Variants in RORC observed in about 807,000 individuals in gnomAD.
RORC encodes RAR related orphan receptor C.
A neutral mutation model predicts 64.5 loss-of-function variants in RORC; 13 were observed. The ratio of observed to expected loss-of-function variants is 0.20; its 90% confidence interval spans 0.13 to 0.32. RORC has a LOEUF of 0.32. Ranked by LOEUF, RORC falls within the 10% of genes least tolerant of loss-of-function variation. The pLI, the probability that RORC is intolerant of heterozygous loss-of-function variation, is 1.00. For synonymous variants in RORC, 277 were observed against 259.3 expected, an observed-to-expected ratio of 1.07 and a Z score of -0.65; for missense variants, 468 against 669.5, an observed-to-expected ratio of 0.70 and a Z score of 3.32.
intron 8 of RORC, 24 bp from the exon 9 acceptor site, chr1:151,813,081 G>A: frequency 6.4e-7 from 1 of 1,573,756 alleles, no homozygotes; most frequent in Non-Finnish European, 8.7e-7. Flanking sequence ...AATGAGAAAA[G>A]TGAGAGAGTG....
At chr1:151,824,808 C>G (rs1553292121) in intron 2 of RORC, among the ~76,000 whole-genome samples, 2 of 152,180 alleles carry the variant, frequency 1.3e-5, no homozygotes, top group Non-Finnish European at 2.9e-5. Flanking sequence ...GATGGTAGAC[C>G]AGGGCCCAGT....
At chr1:151,816,093 GC>G (rs201406986) in intron 4 of RORC, among the ~76,000 whole-genome samples, 1 of 152,168 alleles carries the variant, frequency 6.6e-6, no homozygotes, top group Non-Finnish European at 1.5e-5. Context: ...ATCACCTCAT[GC>G]CCCCCCAGCT....
At chr1:151,817,575 C>T (rs181426583) in intron 2 of RORC, among the ~76,000 whole-genome samples, 17 of 152,240 alleles carry the variant, frequency 1.1e-4, no homozygotes, top group African/African-American at 3.8e-4. Context: ...ACCTGCTCAG[C>T]CCTTCGAGTT....
chr1:151,813,651 C>T (rs533351935), intron 6 of RORC, 31 bp from the exon 7 acceptor site: 18 of 1,611,932 alleles, frequency 1.1e-5, no homozygotes, highest in Middle Eastern at 3.3e-4. Context: ...CCCGCTGTAG[C>T]GCTCTGTGTG....
intron 4 of RORC, among the ~76,000 whole-genome samples, chr1:151,815,902 G>C (rs1021259537): frequency 6.6e-6 from 1 of 152,150 alleles, no homozygotes; most frequent in Non-Finnish European, 1.5e-5. Flanking sequence ...CGGGCTCCGC[G>C]GCTTGTTTCT....
At chr1:151,809,629 A>G (rs1227909864) in intron 10 of RORC, among the ~76,000 whole-genome samples, 1 of 152,170 alleles carries the variant, frequency 6.6e-6, no homozygotes, top group Non-Finnish European at 1.5e-5. Flanking sequence ...AAGGTGATGT[A>G]TTTTGAAAGC....
intron 2 of RORC, among the ~76,000 whole-genome samples, chr1:151,825,221 T>C (rs1267386271): frequency 3.3e-5 from 5 of 151,952 alleles, no homozygotes. Flanking sequence ...GCTTCCCCGG[T>C]CAAATGGGTG....
At chr1:151,822,357 C>T (rs974795138) in intron 2 of RORC, among the ~76,000 whole-genome samples, 2 of 152,342 alleles carry the variant, frequency 1.3e-5, no homozygotes, top group East Asian at 1.9e-4. Context: ...ACACTACCCC[C>T]AGCCCAGGCC....
intron 6 of RORC, chr1:151,813,952 G>A (rs994906486): frequency 3.9e-6 from 1 of 257,936 alleles, no homozygotes; most frequent in Non-Finnish European, 7.5e-6. Context: ...TATGCCCAAG[G>A]TCTCAATAAC....
At chr1:151,814,051 C>G (rs957308566) in intron 6 of RORC, 2 of 177,728 alleles carry the variant, frequency 1.1e-5, no homozygotes, top group African/African-American at 4.7e-5. Context: ...AACTTTGGAG[C>G]CTGATGAATC....
chr1:151,810,806 T>C (rs998207194), intron 10 of RORC, among the ~76,000 whole-genome samples: 9 of 152,244 alleles, frequency 5.9e-5, no homozygotes, highest in Non-Finnish European at 1.3e-4. Flanking sequence ...GTGTTGGGAT[T>C]ACAGGCGTGA....
intron 2 of RORC, among the ~76,000 whole-genome samples, chr1:151,823,527 G>A (rs972224170): frequency 6.6e-6 from 1 of 152,200 alleles, no homozygotes; most frequent in Non-Finnish European, 1.5e-5. Flanking sequence ...TAGACCCTGT[G>A]TCTCCCTGTC....
At chr1:151,818,979 G>A (rs1651880393) in intron 2 of RORC, among the ~76,000 whole-genome samples, 1 of 152,138 alleles carries the variant, frequency 6.6e-6, no homozygotes, top group South Asian at 2.1e-4. Flanking sequence ...CGGGGACAGG[G>A]CACATGGGTA....
At position 151,813,535 on chromosome 1, in the gene RORC, C is replaced by T; in HGVS notation, c.1019G>A (p.Gly340Asp). ...YVVEFAKRLS[G>D]FMELCQNDQI... ...GTCATTCTGGCAGAGCTCCATAAAG[C>T]CTGAGAGCCTCTTGGCGAACTCCAC... Residue 340 changes from glycine (G) to aspartate (D), a missense_variant, in exon 7 of 11, where the codon GGC becomes GAC. Gly to Asp is a moderately conservative substitution (Grantham distance 94). Transcript: ENST00000318247. 6.2e-7 allele frequency: 1 copy of T among 1,614,168 alleles called. No individual in the cohort carries two copies. Among genetic ancestry groups the T allele is most frequent in the Admixed American group, 1.7e-5 (1 of 60,020 alleles).
At chr1:151,809,518 G>T (rs932957816) in intron 10 of RORC, among the ~76,000 whole-genome samples, 1 of 151,978 alleles carries the variant, frequency 6.6e-6, no homozygotes, top group East Asian at 1.9e-4. Flanking sequence ...GGTTGCTACA[G>T]GGCAGATGAG....
At chr1:151,827,498 C>G in intron 2 of RORC, among the ~76,000 whole-genome samples, 1 of 152,146 alleles carries the variant, frequency 6.6e-6, no homozygotes, top group Non-Finnish European at 1.5e-5. Flanking sequence ...AGTATTCAGG[C>G]TCCCTCTTGG....
At chr1:151,827,130 TA>T (rs1233123000) in intron 2 of RORC, among the ~76,000 whole-genome samples, 1 of 151,834 alleles carries the variant, frequency 6.6e-6, no homozygotes, top group African/African-American at 2.4e-5. Context: ...AAAGAAAAAA[TA>T]AAAAAACTTT....
At chr1:151,810,394 G>C (rs1474811719) in intron 10 of RORC, among the ~76,000 whole-genome samples, 1 of 151,936 alleles carries the variant, frequency 6.6e-6, no homozygotes, top group Non-Finnish European at 1.5e-5. Context: ...TTTAATCCCT[G>C]TTTTATACTC....
chr1:151,814,878 T>A, intron 5 of RORC, 35 bp downstream of exon 5: 1 of 1,593,776 alleles, frequency 6.3e-7, no homozygotes, highest in Non-Finnish European at 8.6e-7. Flanking sequence ...CCCTCCCTCA[T>A]CTCTACCACC....
Sources: allele counts gnomAD v4.1 joint callset (sites outside exome capture counted in the v4.1 genomes callset), GRCh38; gene constraint gnomAD v4.1.1; transcripts MANE v1.5; gene names NCBI Gene and HGNC (gene_info 2026-07-23, HGNC 2026-07-21).